ARHGAP29: variants seen among roughly 807,000 people sequenced by gnomAD.
ARHGAP29 encodes rho GTPase-activating protein 29.
In ARHGAP29, 43 loss-of-function variants were observed where a neutral mutation model predicts 122.6. The ratio of observed to expected loss-of-function variants is 0.35; its 90% CI spans 0.27 to 0.45. ARHGAP29 has a LOEUF of 0.45. Among genes scored for constraint, ARHGAP29 ranks in the 20% least tolerant of loss-of-function variants. ARHGAP29 has a pLI of 1.00. For missense variants in ARHGAP29, 1,303 were observed against 1,477.2 expected, an observed-to-expected ratio of 0.88 and a Z score of 1.93; for synonymous variants, 506 against 497.1, an observed-to-expected ratio of 1.02 and a Z score of -0.24.
At chr1:94,224,324 CT>C (rs1243561303) in intron 2 of ARHGAP29, among the ~76,000 whole-genome samples, 1 of 152,122 alleles carries the variant, frequency 6.6e-6, no homozygotes, top group African/African-American at 2.4e-5. Context: ...TTTCTATCCC[CT>C]ATTCTAATGT....
At chr1:94,262,449 C>T (rs1654597395) in intron 1 of ARHGAP29, among the ~76,000 whole-genome samples, 1 of 152,062 alleles carries the variant, frequency 6.6e-6, no homozygotes. Flanking sequence ...AATAAACTAT[C>T]AATAGAGTAA....
upstream of ARHGAP29, chr1:94,237,851 G>T: frequency 1.3e-6 from 1 of 790,914 alleles, no homozygotes; most frequent in Non-Finnish European, 1.5e-6. Flanking sequence ...CTGAGGACTA[G>T]ATGCGGCTAA....
chr1:94,214,621 A>G (rs972613806), intron 3 of ARHGAP29, among the ~76,000 whole-genome samples: 1 of 152,158 alleles, frequency 6.6e-6, no homozygotes, highest in Admixed American at 6.5e-5. Context: ...AGTCTGAACT[A>G]TTTAACAACC....
intron 12 of ARHGAP29, chr1:94,194,591 T>C (rs1650329808): frequency 6.6e-6 from 1 of 152,128 alleles, no homozygotes; most frequent in Non-Finnish European, 1.5e-5. Context: ...TCTCTCTGTG[T>C]CCTCACATGA....
chr1:94,277,798 G>A (rs754679053), upstream of ARHGAP29, among the ~76,000 whole-genome samples: 6 of 152,192 alleles, frequency 3.9e-5, no homozygotes, highest in African/African-American at 9.7e-5. Flanking sequence ...AAGAAGAATA[G>A]GCTAGTGTTT....
the ARHGAP29 span, among the ~76,000 whole-genome samples, chr1:94,292,536 T>C: frequency 6.6e-6 from 1 of 152,208 alleles, no homozygotes; most frequent in Non-Finnish European, 1.5e-5. Flanking sequence ...GAAGAGGCAT[T>C]CTGGTTTTTG....
intron 3 of ARHGAP29, among the ~76,000 whole-genome samples, chr1:94,215,339 T>G (rs940432581): frequency 1.3e-5 from 2 of 148,742 alleles, no homozygotes; most frequent in African/African-American, 4.9e-5. Flanking sequence ...AAAAAACCAG[T>G]AGATATTTTT....
At chr1:94,313,929 A>G in the ARHGAP29 span, among the ~76,000 whole-genome samples, 6 of 152,210 alleles carry the variant, frequency 3.9e-5, no homozygotes, top group South Asian at 1.2e-3. Context: ...GAACAATGAG[A>G]ACACTTGGAC....
chr1:94,286,799 A>T, the ARHGAP29 span, among the ~76,000 whole-genome samples: 310 of 152,330 alleles, frequency 2.0e-3, 1 homozygote, highest in Non-Finnish European at 3.9e-3. Context: ...GAAGTCAAAG[A>T]TGATCTCAGA....
chr1:94,240,817 T>C (rs1203347554), upstream of ARHGAP29, among the ~76,000 whole-genome samples: 1 of 152,244 alleles, frequency 6.6e-6, no homozygotes, highest in East Asian at 1.9e-4. Flanking sequence ...TTCAAAATGT[T>C]TGTGGTACCA....
In ARHGAP29 at chr1:94,172,318, T is replaced by C. The variant is rs1246114483; in HGVS notation, c.*1551A>G. The C allele has an allele frequency of 4.6e-5, 7 of 152,168 alleles. No individual in the cohort carries two copies. Among genetic ancestry groups the C allele is most frequent in the Non-Finnish European group, 1.0e-4 (7 of 68,020 alleles). The allele number at this position is 152,168 out of a possible 1,614,324, so 9.4% of individuals were successfully genotyped here. On this transcript the variant is annotated 3_prime_UTR_variant, in exon 23 of 23. Transcript: ENST00000260526. ...GCACACAGAGAAGGCTCAATACACA[T>C]GGGCTCTAATTTTCTTTTTAGGTAT...
At chr1:94,220,611 C>T (rs761466988) in intron 2 of ARHGAP29, among the ~76,000 whole-genome samples, 2 of 152,102 alleles carry the variant, frequency 1.3e-5, no homozygotes, top group Non-Finnish European at 2.9e-5. Context: ...CAAAGGCTCT[C>T]ACAGTTATGG....
At chr1:94,243,606 CA>C in intron 1 of ARHGAP29, among the ~76,000 whole-genome samples, 1 of 152,016 alleles carries the variant, frequency 6.6e-6, no homozygotes, top group South Asian at 2.1e-4. Flanking sequence ...GGTCTAAAGT[CA>C]ATATCTAAGC....
Position 94,173,713 on chromosome 1 carries a change from T to C in ARHGAP29, c.*156A>G, listed in dbSNP as rs1342726296. ...CCTATCAAAACATTCTACCATTCAG[T>C]ATTACCAACAGAGGATAAATACAAC... On this transcript the variant is annotated 3_prime_UTR_variant, in exon 23 of 23. Coordinates refer to ENST00000260526, the MANE Select transcript of ARHGAP29 (RefSeq NM_004815.4). 8.6e-6 allele frequency: 7 copies of C among 815,684 alleles called. No individual in the cohort carries two copies. The African/African-American group carries it at 1.0e-4, about 12-fold the overall frequency. The allele number at this position is 815,684 out of a possible 1,614,324, so 50.5% of individuals were successfully genotyped here. A position where few individuals can be genotyped will look rare whatever the true frequency, so the allele number is the denominator to read the frequency against.
At chr1:94,305,907 G>T in the ARHGAP29 span, among the ~76,000 whole-genome samples, 2 of 152,204 alleles carry the variant, frequency 1.3e-5, no homozygotes, top group Non-Finnish European at 2.9e-5. Context: ...ATGTGAGGTT[G>T]CTGGCAGCTC....
chr1:94,235,959 T>C (rs1464967058), intron 1 of ARHGAP29, among the ~76,000 whole-genome samples: 1 of 152,208 alleles, frequency 6.6e-6, no homozygotes, highest in Non-Finnish European at 1.5e-5. Context: ...AGTGTAAAAC[T>C]GCCCCCAAAC....
chr1:94,179,286 C>T (rs1271921531), intron 20 of ARHGAP29, among the ~76,000 whole-genome samples: 4 of 152,128 alleles, frequency 2.6e-5, no homozygotes, highest in Non-Finnish European at 5.9e-5. Context: ...AATATGAACA[C>T]ACTTAACACT....
chr1:94,212,682 T>C (rs1039050504), intron 3 of ARHGAP29, among the ~76,000 whole-genome samples: 36 of 152,330 alleles, frequency 2.4e-4, no homozygotes, highest in African/African-American at 8.7e-4. Context: ...ATTCAACATT[T>C]GAACCATCTT....
chr1:94,186,647 T>C (rs1649821842), intron 15 of ARHGAP29, 50 bp from the exon 16 acceptor site: 1 of 1,314,540 alleles, frequency 7.6e-7, no homozygotes, highest in Admixed American at 1.8e-5. Context: ...TGTAGAATCT[T>C]TGAAATAGGA....
Sources: gnomAD v4.1 joint callset for allele counts (sites outside exome capture counted in the v4.1 genomes callset) on GRCh38, gnomAD v4.1.1 for gene constraint, MANE v1.5 for transcripts, NCBI Gene and HGNC (gene_info 2026-07-23, HGNC 2026-07-21) for gene names.